The following NIN variants were observed in gnomAD, a reference collection of about 807,000 sequenced individuals.
NIN encodes glycogen synthase kinase 3 beta-interacting protein.
Under a neutral mutation model 257.6 loss-of-function variants are expected in NIN, and 137 were observed. The ratio of observed to expected loss-of-function variants is 0.53; its 90% confidence interval spans 0.46 to 0.61. NIN has a LOEUF of 0.61. Ranked by LOEUF, NIN falls within the 20% of genes least tolerant of loss-of-function variation. The pLI is 0.00. For synonymous variants in NIN, 918 were observed against 919.8 expected (o/e 1.00, Z 0.04); for missense variants, 2,439 against 2,501.2 (o/e 0.98, Z 0.53).
intron 28 of NIN, among the ~76,000 whole-genome samples, chr14:50,734,602 C>T (rs143610047): frequency 6.6e-6 from 1 of 152,130 alleles, no homozygotes; most frequent in Admixed American, 6.6e-5. Context: ...TATAATTAAA[C>T]TCGGTATTCA....
chr14:50,729,729 G>C lies in NIN; in HGVS notation c.5878-6C>G. 1 of 1,590,334 alleles carries C rather than the reference G, an allele frequency of 6.3e-7. No homozygotes were observed. The highest frequency in any genetic ancestry group is 8.6e-7 in the Non-Finnish European group (1 of 1,167,912). ...GTGGACCTCAGGTGCTGCATCTGAA[G>C]GACAAGGGCAAAGCCCTGTTCAGCT... is the stretch of plus-strand genomic sequence containing the variant. On this transcript the variant is annotated splice_region_variant and splice_polypyrimidine_tract_variant and intron_variant, in intron 28 of 30. Coordinates refer to ENST00000530997, the MANE Select transcript of NIN (RefSeq NM_020921.4).
Position 50,772,457 on chromosome 14 carries a change from C to G in NIN, c.825G>C (p.Glu275Asp), listed in dbSNP as rs767046757. Residue 275 changes from glutamate (E) to aspartate (D), a missense_variant, in exon 9 of 31, where the codon GAG (glutamate) becomes GAC (aspartate). Coordinates refer to ENST00000530997, the MANE Select transcript of NIN (RefSeq NM_020921.4). ...ATGAGGTTGTGGTACGTCGTCCACT[C>G]TCATCGAAAGACTGGAAGGAGGAAG... ...KRHLSMQSFDESGRRTTTSSA... is the reference protein window; with the variant it reads ...KRHLSMQSFDDSGRRTTTSSA... 1 of 1,614,140 alleles carries G rather than the reference C, an allele frequency of 6.2e-7. No homozygotes were observed. Among genetic ancestry groups the G allele is most frequent in the South Asian group, 1.1e-5 (1 of 91,082 alleles).
intron 29 of NIN, 118 bp downstream of exon 29, chr14:50,729,405 G>T: frequency 5.4e-6 from 5 of 932,358 alleles, no homozygotes; most frequent in South Asian, 3.5e-5. Context: ...AAGTAGCTGG[G>T]ACTACAGGTG....
chr14:50,752,784 A>T (rs1326743081), intron 20 of NIN, 51 bp from the exon 21 acceptor site: 2 of 237,324 alleles, frequency 8.4e-6, no homozygotes, highest in Admixed American at 2.1e-4. Flanking sequence ...ACTTGTGCTA[A>T]AAAAAAAAAA....
chr14:50,809,908 A>T (rs2044503363), intron 3 of NIN, among the ~76,000 whole-genome samples: 1 of 152,112 alleles, frequency 6.6e-6, no homozygotes. Flanking sequence ...AACACATGGG[A>T]TCAAAAGCTG....
In NIN at chr14:50,756,811, G is replaced by A; in HGVS notation, c.4219C>T (p.His1407Tyr). Reference protein sequence around the residue: ...NTQLLEKVKAHEIAWLHGTIQ... With the variant: ...NTQLLEKVKAYEIAWLHGTIQ... ...GTTCCATGTAACCAGGCAATTTCAT[G>A]TGCTTTTACTTTTTCCAAGAGCTGT... Residue 1407 changes from histidine to tyrosine, a missense_variant, in exon 18 of 31, where the codon CAT becomes TAT. By Grantham distance (83) the His-to-Tyr change is moderately conservative. Around this residue, in one of 3 missense-constraint regions of NIN, gnomAD observed 2,043 missense variants for 2,050.2 expected, o/e 1.00. Coordinates refer to ENST00000530997, the MANE Select transcript of NIN (RefSeq NM_020921.4). The A allele has an allele frequency of 2.6e-6, 4 of 1,551,670 alleles. No individual in the cohort carries two copies. The highest frequency in any genetic ancestry group is 3.5e-6 in the Non-Finnish European group (4 of 1,146,962).
At chr14:50,768,828 A>G (rs2042610406) in intron 12 of NIN, among the ~76,000 whole-genome samples, 2 of 152,234 alleles carry the variant, frequency 1.3e-5, no homozygotes, top group African/African-American at 4.8e-5. Context: ...CAGGATACAC[A>G]TTAATTAGCT....
chr14:50,747,501 A>T (rs2041599677), intron 22 of NIN, among the ~76,000 whole-genome samples: 1 of 152,166 alleles, frequency 6.6e-6, no homozygotes, highest in Non-Finnish European at 1.5e-5. Context: ...TAGGGGGCTG[A>T]CGTGGGTGGA....
intron 25 of NIN, among the ~76,000 whole-genome samples, chr14:50,740,239 T>A (rs928664016): frequency 6.6e-6 from 1 of 151,648 alleles, no homozygotes; most frequent in Non-Finnish European, 1.5e-5. Context: ...CAGGCTGAAG[T>A]GCAGTGGCAC....
intron 7 of NIN, among the ~76,000 whole-genome samples, chr14:50,775,619 C>T (rs907319872): frequency 6.6e-6 from 1 of 152,186 alleles, no homozygotes; most frequent in Non-Finnish European, 1.5e-5. Flanking sequence ...CAATCCTCTA[C>T]TTGTCCTCAG....
intron 6 of NIN, among the ~76,000 whole-genome samples, chr14:50,778,012 TAC>T (rs2042984904): frequency 6.6e-6 from 1 of 152,152 alleles, no homozygotes; most frequent in African/African-American, 2.4e-5. Flanking sequence ...AGGTTGTAAT[TAC>T]ACTTAAGTAC....
Position 50,744,318 on chromosome 14 carries a change from A to G in NIN, c.5112T>C (p.Ser1704=). 1.2e-6 allele frequency: 2 copies of G among 1,614,118 alleles called. No homozygotes were observed. Among genetic ancestry groups the G allele is most frequent in the Non-Finnish European group, 1.7e-6 (2 of 1,179,972 alleles). The change falls in exon 23 of 31, where the codon AGT becomes AGC. Residue 1704 remains serine (S), a synonymous_variant. Transcript: ENST00000530997. ...GCAGTTTTTCGTTGTAGCTTAGAAC[A>G]CTAGAGATTTTTTGCTGGAAGTCAG... ...DLSDFQQKIS[S]VLSYNEKLLK...
At chr14:50,738,038 C>G in intron 27 of NIN, 102 bp downstream of exon 27, 1 of 1,158,174 alleles carries the variant, frequency 8.6e-7, no homozygotes, top group Non-Finnish European at 1.2e-6. Flanking sequence ...CCAAAATATG[C>G]CATCGTAATC....
intron 28 of NIN, among the ~76,000 whole-genome samples, chr14:50,735,202 T>G (rs1254994023): frequency 4.6e-5 from 7 of 152,138 alleles, no homozygotes; most frequent in Non-Finnish European, 8.8e-5. Flanking sequence ...GGTATAAACA[T>G]GGTGATGGCA....
At chr14:50,739,219 A>C in intron 26 of NIN, 89 bp downstream of exon 26, 1 of 1,288,568 alleles carries the variant, frequency 7.8e-7, no homozygotes. Context: ...TCCATACCTT[A>C]GAACCATTCC....
chr14:50,733,350 C>G (rs2040815626), intron 28 of NIN, among the ~76,000 whole-genome samples: 1 of 152,130 alleles, frequency 6.6e-6, no homozygotes, highest in Non-Finnish European at 1.5e-5. Context: ...CTCAGCCTCC[C>G]AAAGTGCTGG....
intron 5 of NIN, among the ~76,000 whole-genome samples, chr14:50,785,250 C>A (rs1188625057): frequency 6.6e-6 from 1 of 152,268 alleles, no homozygotes; most frequent in Non-Finnish European, 1.5e-5. Flanking sequence ...AGCTTCCAGC[C>A]CCAACGCCGG....
chr14:50,808,184 TAAA>T lies in NIN; in HGVS notation c.184-1369_184-1367del, dbSNP rs1479952079. On this transcript the variant is annotated intron_variant, in intron 3 of 30. Transcript: ENST00000530997. ...CAGGGAGGCACAATCTTTGAAAGGG[TAAA>T]CGACTGTAGAAAGGTAGGCTATGTT... is the stretch of plus-strand genomic sequence containing the variant. Among the ~76,000 whole-genome samples the T allele has an allele frequency of 1.2e-3, 186 of 151,806 alleles. 1 individual carries two copies. The highest frequency in any genetic ancestry group is 4.2e-3 in the African/African-American group (174 of 41,444).
Position 50,792,787 on chromosome 14 carries a change from A to C in NIN, c.360T>G (p.Phe120Leu), listed in dbSNP as rs1253213073. The C allele has an allele frequency of 3.1e-6, 5 of 1,614,088 alleles. No individual in the cohort carries two copies. The African/African-American group carries it at 4.0e-5, about 13-fold the overall frequency. Residue 120 changes from phenylalanine to leucine, a missense_variant, in exon 5 of 31, where the codon TTT (phenylalanine) becomes TTG (leucine). This residue lies in a region of NIN where 387 missense variants were observed against 427.3 expected (regional missense o/e 0.91). Transcript: ENST00000530997. ...LPEFQESVEE[F>L]PEVTVIEPLD... ...GTGGCTCAATCACCGTCACTTCAGG[A>C]AACTCCTCCACGGACTCTTGGAACT...
Sources: gnomAD v4.1 joint callset for allele counts (sites outside exome capture counted in the v4.1 genomes callset) on GRCh38, gnomAD v4.1.1 for gene constraint, gnomAD v4.1.1 regional missense constraint, MANE v1.5 for transcripts, NCBI Gene and HGNC (gene_info 2026-07-23, HGNC 2026-07-21) for gene names.